Variants in AGBL4 observed in about 807,000 individuals in gnomAD.
AGBL4 encodes cytosolic carboxypeptidase 6.
A neutral mutation model predicts 66.4 loss-of-function variants in AGBL4; 58 were observed. The observed-to-expected ratio is 0.87, with a 90% CI of 0.71 to 1.09. AGBL4 has a LOEUF of 1.09. AGBL4 is among the 50% of genes least tolerant of loss of function. AGBL4 has a pLI of 0.00. For missense variants in AGBL4, 579 were observed against 631.0 expected (o/e 0.92, Z 0.88); for synonymous variants, 234 against 222.9 (o/e 1.05, Z -0.44).
intron 3 of AGBL4, among the ~76,000 whole-genome samples, chr1:49,360,999 T>A (rs542249516): frequency 6.6e-6 from 1 of 152,104 alleles, no homozygotes; most frequent in South Asian, 2.1e-4. Context: ...AGTTTCACCG[T>A]GTTGGCCAGG....
chr1:48,598,839 C>A (rs1234790934), intron 9 of AGBL4, among the ~76,000 whole-genome samples: 1 of 151,988 alleles, frequency 6.6e-6, no homozygotes, highest in African/African-American at 2.4e-5. Context: ...CTTACTGGGA[C>A]TTTTTTACTT....
intron 3 of AGBL4, among the ~76,000 whole-genome samples, chr1:49,484,103 G>A (rs988708023): frequency 6.6e-6 from 1 of 152,126 alleles, no homozygotes; most frequent in Middle Eastern, 3.4e-3. Flanking sequence ...AATAACAAAT[G>A]CAAGTGAGGA....
At chr1:49,207,714 C>T (rs1648350130) in intron 4 of AGBL4, among the ~76,000 whole-genome samples, 1 of 151,632 alleles carries the variant, frequency 6.6e-6, no homozygotes, top group South Asian at 2.1e-4. Flanking sequence ...ACCTCAGCCC[C>T]CCAAGTAGCT....
chr1:48,718,998 C>T (rs906362461), intron 6 of AGBL4, among the ~76,000 whole-genome samples: 6 of 152,332 alleles, frequency 3.9e-5, no homozygotes, highest in African/African-American at 1.4e-4. Flanking sequence ...AATACATCAG[C>T]TCCTTGTTGC....
intron 6 of AGBL4, among the ~76,000 whole-genome samples, chr1:48,788,714 C>T (rs1219021580): frequency 6.6e-6 from 1 of 152,148 alleles, no homozygotes; most frequent in Non-Finnish European, 1.5e-5. Context: ...GGGACACTAA[C>T]TGTGAAAATG....
chr1:49,312,329 A>G (rs1250681986), intron 3 of AGBL4, among the ~76,000 whole-genome samples: 1 of 152,052 alleles, frequency 6.6e-6, no homozygotes, highest in Admixed American at 6.6e-5. Flanking sequence ...CTTTGGAAGC[A>G]AAGACAGAGT....
At chr1:48,656,950 A>G (rs758072360) in intron 7 of AGBL4, among the ~76,000 whole-genome samples, 16 of 152,186 alleles carry the variant, frequency 1.1e-4, no homozygotes, top group South Asian at 2.1e-4. Context: ...AAGCCTGCCC[A>G]TGTATTCCCT....
At chr1:49,315,281 C>T (rs1645019589) in intron 3 of AGBL4, among the ~76,000 whole-genome samples, 1 of 152,070 alleles carries the variant, frequency 6.6e-6, no homozygotes, top group Admixed American at 6.5e-5. Context: ...GATCTAAAAC[C>T]ATAAAAACCC....
At chr1:49,991,803 A>G (rs1046799909) in intron 1 of AGBL4, among the ~76,000 whole-genome samples, 1 of 152,134 alleles carries the variant, frequency 6.6e-6, no homozygotes, top group African/African-American at 2.4e-5. Flanking sequence ...GAGAGACAAC[A>G]TCATATACAA....
Position 49,428,928 on chromosome 1 carries a change from C to A in AGBL4, c.283-183064G>T, listed in dbSNP as rs538957499. ...TATTTACAGGGAGTTTATTTTTTCC[C>A]AAATTTGCCAGCCATTCTGGCCAAA... is the stretch of plus-strand genomic sequence containing the variant. On this transcript the variant is annotated intron_variant, in intron 3 of 13. Transcript: ENST00000371839. 2.0e-5 allele frequency among the ~76,000 whole-genome samples: 3 copies of A among 152,284 alleles called. No individual in the cohort carries two copies. In the East Asian group the frequency reaches 5.8e-4, roughly 29 times the overall value.
intron 11 of AGBL4, among the ~76,000 whole-genome samples, chr1:48,557,385 GGGGT>G (rs1367520024): frequency 2.6e-5 from 4 of 152,146 alleles, no homozygotes; most frequent in Non-Finnish European, 4.4e-5. Context: ...TTAAGGAGCA[GGGGT>G]GGGTATGGAG....
At chr1:49,873,232 T>C (rs1393495488) in intron 1 of AGBL4, among the ~76,000 whole-genome samples, 1 of 152,076 alleles carries the variant, frequency 6.6e-6, no homozygotes, top group African/African-American at 2.4e-5. Context: ...TGCTTTTTTC[T>C]TTGTGGGTAC....
intron 5 of AGBL4, among the ~76,000 whole-genome samples, chr1:49,029,034 A>G (rs775265177): frequency 3.3e-5 from 5 of 152,180 alleles, no homozygotes; most frequent in Non-Finnish European, 7.4e-5. Context: ...AAAATACTCA[A>G]CAAACTAGAA....
At chr1:48,841,026 A>C (rs377149836) in intron 6 of AGBL4, among the ~76,000 whole-genome samples, 2 of 152,206 alleles carry the variant, frequency 1.3e-5, no homozygotes, top group African/African-American at 4.8e-5. Flanking sequence ...CAAAAGCTAC[A>C]TTGTATATGA....
At chr1:49,678,593 G>C (rs1387075344) in intron 3 of AGBL4, among the ~76,000 whole-genome samples, 1 of 151,968 alleles carries the variant, frequency 6.6e-6, no homozygotes, top group Non-Finnish European at 1.5e-5. Context: ...TAAGTATTTA[G>C]AACTATACAT....
intron 2 of AGBL4, among the ~76,000 whole-genome samples, chr1:49,843,296 T>TTGTGTGTGTGTG (rs71307607): frequency 2.7e-5 from 4 of 147,784 alleles, no homozygotes; most frequent in African/African-American, 1.0e-4. Flanking sequence ...CTAGCTAATT[T>TTGTGTGTGTGTG]TGTGTGTGTG....
intron 1 of AGBL4, among the ~76,000 whole-genome samples, chr1:49,923,386 C>T (rs1475563630): frequency 6.6e-6 from 1 of 151,946 alleles, no homozygotes; most frequent in Non-Finnish European, 1.5e-5. Context: ...CTAGGAAATA[C>T]CATTTTAAAC....
At chr1:50,003,767 T>C (rs1660934441) in intron 1 of AGBL4, among the ~76,000 whole-genome samples, 1 of 152,058 alleles carries the variant, frequency 6.6e-6, no homozygotes, top group Non-Finnish European at 1.5e-5. Context: ...AAGGAAAGGG[T>C]AGGTAAAGCT....
intron 4 of AGBL4, among the ~76,000 whole-genome samples, chr1:49,153,542 A>G (rs1487135002): frequency 2.6e-5 from 4 of 152,092 alleles, no homozygotes; most frequent in Admixed American, 1.3e-4. Flanking sequence ...CCTTTATACC[A>G]CCATCTAATA....
Sources: gnomAD v4.1 joint callset for allele counts (sites outside exome capture counted in the v4.1 genomes callset) on GRCh38, gnomAD v4.1.1 for gene constraint, MANE v1.5 for transcripts, NCBI Gene and HGNC (gene_info 2026-07-23, HGNC 2026-07-21) for gene names.